Variants in TNFRSF8 observed in about 807,000 individuals in gnomAD.
TNFRSF8 encodes the protein TNF receptor superfamily member 8.
A neutral mutation model predicts 70.8 loss-of-function variants in TNFRSF8; 26 were observed. The ratio of observed to expected loss-of-function variants is 0.37; its 90% CI spans 0.27 to 0.51. TNFRSF8 has a LOEUF of 0.51. TNFRSF8 is among the 20% of genes least tolerant of loss of function. The pLI is 0.94. For missense variants in TNFRSF8, 720 were observed against 807.9 expected (o/e 0.89, Z 1.32); for synonymous variants, 356 against 339.2 (o/e 1.05, Z -0.54).
intron 12 of TNFRSF8, 31 bp downstream of exon 12, chr1:12,126,267 C>T (rs758916396): frequency 1.9e-5 from 31 of 1,613,730 alleles, no homozygotes; most frequent in Admixed American, 8.3e-5. Flanking sequence ...AGGGGCTGCC[C>T]GAGCCAGAGG....
At chr1:12,068,540 G>T (rs1383370060) in intron 1 of TNFRSF8, among the ~76,000 whole-genome samples, 1 of 152,170 alleles carries the variant, frequency 6.6e-6, no homozygotes, top group Non-Finnish European at 1.5e-5. Flanking sequence ...GGGGGTGGGG[G>T]ACCTTCTTCC....
At position 12,114,684 on chromosome 1, in the gene TNFRSF8, G is replaced by GA. The variant is rs1003482359; in HGVS notation, c.794-885dup. Reference sequence around the variant, plus strand: ...ACATGGTTTTTTTTTGCTTTTGGAGGAAAAAAAATCTTTTTTTTTTTTTTT... The same window carrying GA: ...ACATGGTTTTTTTTTGCTTTTGGAGGAAAAAAAAATCTTTTTTTTTTTTTTT... On this transcript the variant is annotated intron_variant, in intron 7 of 14. Transcript: ENST00000263932. Among the ~76,000 whole-genome samples, 7 of 105,022 alleles carry GA rather than the reference G, an allele frequency of 6.7e-5. No individual in the cohort carries two copies. The South Asian group carries it at 9.7e-4, about 15-fold the overall frequency. The allele number at this position is 105,022 out of a possible 152,430, so 68.9% of individuals were successfully genotyped here. A position where few individuals can be genotyped will look rare whatever the true frequency, so the allele number is the denominator to read the frequency against.
chr1:12,123,535 G>A (rs1641872740), intron 9 of TNFRSF8, among the ~76,000 whole-genome samples, 158 bp downstream of exon 9: 1 of 152,214 alleles, frequency 6.6e-6, no homozygotes, highest in Admixed American at 6.5e-5. Context: ...TGACACCATT[G>A]GAAAGCCAGA....
At chr1:12,132,488 G>C (rs1642065904) in intron 12 of TNFRSF8, among the ~76,000 whole-genome samples, 1 of 152,220 alleles carries the variant, frequency 6.6e-6, no homozygotes, top group Non-Finnish European at 1.5e-5. Flanking sequence ...CCCATGATTA[G>C]ACTGGAGTTA....
chr1:12,142,185 G>A lies in TNFRSF8; in HGVS notation c.1544-102G>A, dbSNP rs1449185878. Reference sequence around the variant, plus strand: ...CTGTGCCATCAGCCTGAAGCCACCCGGCAGGTGTACCAGCACTGGGCCTCG... The same window carrying A: ...CTGTGCCATCAGCCTGAAGCCACCCAGCAGGTGTACCAGCACTGGGCCTCG... On this transcript the variant is annotated intron_variant, in intron 14 of 14. Transcript: ENST00000263932. This position sits in a 1 kb window ranked among gnomAD's most constrained non-coding sequence, Gnocchi z 5.0. 3 of 1,444,400 alleles carry A rather than the reference G, an allele frequency of 2.1e-6. No homozygotes were observed. The highest frequency in any genetic ancestry group is 2.8e-6 in the Non-Finnish European group (3 of 1,090,210). The allele number at this position is 1,444,400 out of a possible 1,614,324, so 89.5% of individuals were successfully genotyped here.
intron 13 of TNFRSF8, among the ~76,000 whole-genome samples, chr1:12,136,897 A>AT (rs1194636298): frequency 5.3e-5 from 5 of 95,140 alleles, no homozygotes; most frequent in Non-Finnish European, 1.1e-4. Flanking sequence ...TTTTTTTTTA[A>AT]TTTTTTTAGT....
rs79902471 is a variant in TNFRSF8, at chr1:12,143,598, A to C, written c.*1067A>C. The C allele has an allele frequency of 6.6e-6, 1 of 152,148 alleles. No individual in the cohort carries two copies. The highest frequency in any genetic ancestry group is 1.9e-4 in the East Asian group (1 of 5,178). The allele number at this position is 152,148 out of a possible 1,614,324, so 9.4% of individuals were successfully genotyped here. ...ACGGCCTCACCCAGGCATCTGCTTT[A>C]CTCTGGACCATAGGAAACAAGACCG... On this transcript the variant is annotated 3_prime_UTR_variant, in exon 15 of 15. Coordinates refer to ENST00000263932, the MANE Select transcript of TNFRSF8 (RefSeq NM_001243.5). The surrounding 1 kb of genome is among the most constrained non-coding windows in gnomAD (Gnocchi z 4.1).
At chr1:12,078,371 C>G (rs568469100) in intron 1 of TNFRSF8, among the ~76,000 whole-genome samples, 1 of 152,146 alleles carries the variant, frequency 6.6e-6, no homozygotes, top group African/African-American at 2.4e-5. Context: ...CGAGACCAGC[C>G]TGGTCAACAT....
chr1:12,095,017 G>T (rs1057451916), intron 2 of TNFRSF8, among the ~76,000 whole-genome samples: 3 of 151,988 alleles, frequency 2.0e-5, no homozygotes, highest in South Asian at 4.2e-4. Flanking sequence ...GATTTCACAG[G>T]GTTCATGAAC....
At position 12,074,797 on chromosome 1, in the gene TNFRSF8, A is replaced by G. The variant is rs949968451; in HGVS notation, c.64-9667A>G. On this transcript the variant is annotated intron_variant, in intron 1 of 14. Coordinates refer to ENST00000263932, the MANE Select transcript of TNFRSF8 (RefSeq NM_001243.5). Reference sequence around the variant, plus strand: ...ATTATTTGTGTTTGTTTGTTTGTTTATTTATTTATGAGACAGGGTCTCACT... The same window carrying G: ...ATTATTTGTGTTTGTTTGTTTGTTTGTTTATTTATGAGACAGGGTCTCACT... Among the ~76,000 whole-genome samples the G allele has an allele frequency of 6.6e-5, 10 of 151,300 alleles. No homozygotes were observed. In the East Asian group the frequency reaches 1.4e-3, roughly 21 times the overall value.
At chr1:12,076,864 C>T (rs1047805528) in intron 1 of TNFRSF8, among the ~76,000 whole-genome samples, 1 of 152,094 alleles carries the variant, frequency 6.6e-6, no homozygotes, top group African/African-American at 2.4e-5. Context: ...CTGAGTTCGG[C>T]GTGTGGTGGT....
chr1:12,104,109 A>AT (rs544802659), intron 3 of TNFRSF8, among the ~76,000 whole-genome samples: 10 of 152,344 alleles, frequency 6.6e-5, no homozygotes, highest in Admixed American at 6.5e-4. Flanking sequence ...TGTAGTTGGA[A>AT]TGACAGTGTG....
chr1:12,104,802 C>G (rs1026421129), intron 4 of TNFRSF8, among the ~76,000 whole-genome samples: 1 of 152,154 alleles, frequency 6.6e-6, no homozygotes, highest in African/African-American at 2.4e-5. Context: ...AGGCTCAAGG[C>G]AGAAGTTATC....
intron 13 of TNFRSF8, among the ~76,000 whole-genome samples, chr1:12,136,208 G>A (rs575229203): frequency 8.1e-4 from 123 of 152,138 alleles, no homozygotes; most frequent in African/African-American, 2.8e-3. Context: ...TTCAAATTAT[G>A]GGGGATCACA....
intron 12 of TNFRSF8, among the ~76,000 whole-genome samples, chr1:12,134,404 G>A (rs752755737): frequency 1.3e-5 from 2 of 152,174 alleles, no homozygotes; most frequent in South Asian, 2.1e-4. Flanking sequence ...TTAGATGCCC[G>A]GATGCCCTCT....
At chr1:12,078,005 T>G (rs1004986995) in intron 1 of TNFRSF8, 1 of 152,138 alleles carries the variant, frequency 6.6e-6, no homozygotes, top group East Asian at 1.9e-4. Flanking sequence ...GCTTTATTCA[T>G]AGCTGGGTTG....
At chr1:12,123,589 A>C in intron 9 of TNFRSF8, 126 bp from the exon 10 acceptor site, 2 of 974,918 alleles carry the variant, frequency 2.1e-6, no homozygotes, top group Non-Finnish European at 3.0e-6. Context: ...CCTGGCAGAG[A>C]CTCGGGGCAG....
chr1:12,117,208 G>A (rs763155901), intron 8 of TNFRSF8, among the ~76,000 whole-genome samples: 10 of 151,864 alleles, frequency 6.6e-5, no homozygotes, highest in Non-Finnish European at 1.3e-4. Context: ...TCAGCCTCCC[G>A]AGTAGCTGGG....
At chr1:12,111,371 G>A (rs1408162648) in intron 6 of TNFRSF8, among the ~76,000 whole-genome samples, 1 of 151,846 alleles carries the variant, frequency 6.6e-6, no homozygotes. Flanking sequence ...TAGTAGAGAC[G>A]GGGTTTCACC....
Sources: gnomAD v4.1 joint callset for allele counts (sites outside exome capture counted in the v4.1 genomes callset) on GRCh38, gnomAD v4.1.1 for gene constraint, Gnocchi (gnomAD v3.1) non-coding constraint, MANE v1.5 for transcripts, NCBI Gene and HGNC (gene_info 2026-07-23, HGNC 2026-07-21) for gene names.